Variants in KCNN3 observed in about 807,000 individuals in gnomAD.
KCNN3 encodes the protein potassium calcium-activated channel subfamily N member 3, also known as small conductance calcium-activated potassium channel protein 3.
A neutral mutation model predicts 62.9 loss-of-function variants in KCNN3; 16 were observed. The observed-to-expected ratio is 0.25, with a 90% CI of 0.17 to 0.39. The LOEUF (loss-of-function observed/expected upper bound fraction) is 0.39, where lower values mean the gene tolerates loss of function less well. KCNN3 is among the 10% of genes least tolerant of loss of function. The pLI is 1.00. For missense variants in KCNN3, 599 were observed against 949.4 expected (o/e 0.63, Z 4.85); for synonymous variants, 370 against 389.2 (o/e 0.95, Z 0.58).
At chr1:154,792,575 A>T (rs1571281073) in intron 2 of KCNN3, among the ~76,000 whole-genome samples, 1 of 152,340 alleles carries the variant, frequency 6.6e-6, no homozygotes, top group Non-Finnish European at 1.5e-5. Context: ...TGTTATGGCC[A>T]TCCCTTATTC....
chr1:154,738,859 C>T (rs1700769156), intron 3 of KCNN3, among the ~76,000 whole-genome samples: 1 of 152,180 alleles, frequency 6.6e-6, no homozygotes, highest in Non-Finnish European at 1.5e-5. Context: ...ATATTTTTTA[C>T]TACAAGGCTC....
chr1:154,853,399 G>A (rs1192798751), intron 1 of KCNN3, among the ~76,000 whole-genome samples: 1 of 152,008 alleles, frequency 6.6e-6, no homozygotes, highest in Non-Finnish European at 1.5e-5. Flanking sequence ...GCAGTGGCAC[G>A]ATCACAGCTC....
chr1:154,844,055 C>T (rs896415485), intron 1 of KCNN3, among the ~76,000 whole-genome samples: 39 of 152,206 alleles, frequency 2.6e-4, no homozygotes, highest in Admixed American at 2.4e-3. Flanking sequence ...CCCTCGGGAC[C>T]AGCAGGGGCT....
Position 154,704,210 on chromosome 1 carries a change from T to C in KCNN3, c.*3766A>G, listed in dbSNP as rs1220037609. 2 of 152,266 alleles carry C rather than the reference T, an allele frequency of 1.3e-5. No homozygotes were observed. Among genetic ancestry groups the C allele is most frequent in the African/African-American group, 2.4e-5 (1 of 41,472 alleles). The allele number at this position is 152,266 out of a possible 1,614,324, so 9.4% of individuals were successfully genotyped here. On this transcript the variant is annotated 3_prime_UTR_variant, in exon 8 of 8. Transcript: ENST00000271915. ...GTCTCCTAATTCACAAGATTGTTGT[T>C]CTACCACTGGCCCCTGCTGAGGTCG...
chr1:154,855,075 G>A lies in KCNN3; in HGVS notation c.933+13957C>T, dbSNP rs547367496. ...TCTACTAAAAATACAAAAATTAGCC[G>A]GGTGTGATGGCACGTGCCTATAATC... On this transcript the variant is annotated intron_variant, in intron 1 of 7. Transcript: ENST00000271915. 1.3e-3 allele frequency among the ~76,000 whole-genome samples: 203 copies of A among 152,118 alleles called. 1 individual carries two copies. The highest frequency in any genetic ancestry group is 3.9e-3 in the African/African-American group (160 of 41,516).
chr1:154,766,688 T>G (rs1048311129), intron 3 of KCNN3, among the ~76,000 whole-genome samples: 6 of 149,024 alleles, frequency 4.0e-5, no homozygotes, highest in East Asian at 1.9e-4. Context: ...GGGTTTGTTT[T>G]TTTTTTTTTG....
In KCNN3 at chr1:154,701,786, G is replaced by A. The variant is rs1206098715; in HGVS notation, c.*6190C>T. On this transcript the variant is annotated 3_prime_UTR_variant, in exon 8 of 8. Coordinates refer to ENST00000271915, the MANE Select transcript of KCNN3 (RefSeq NM_002249.6). ...CACATCTGCACACTGGACTCTTGTT[G>A]GGCCTTGTGTAGTTTGGAAAGCCGA... 6.6e-6 allele frequency: 1 copy of A among 152,128 alleles called. No individual in the cohort carries two copies. Among genetic ancestry groups the A allele is most frequent in the Non-Finnish European group, 1.5e-5 (1 of 68,032 alleles). 9.4% of individuals were successfully genotyped at this position (152,128 alleles called of 1,614,324 possible).
intron 3 of KCNN3, among the ~76,000 whole-genome samples, chr1:154,767,690 G>A (rs946012945): frequency 6.6e-6 from 1 of 152,322 alleles, no homozygotes. Flanking sequence ...TGGGCAGGCA[G>A]CCAGGAGAAT....
At chr1:154,790,585 G>C (rs765579650) in intron 2 of KCNN3, among the ~76,000 whole-genome samples, 45 of 152,148 alleles carry the variant, frequency 3.0e-4, no homozygotes, top group Non-Finnish European at 3.5e-4. Context: ...AGGGCTGACC[G>C]GGGCTCTCTG....
intron 3 of KCNN3, 98 bp downstream of exon 3, chr1:154,771,877 T>A: frequency 8.3e-7 from 1 of 1,211,376 alleles, no homozygotes; most frequent in Non-Finnish European, 1.2e-6. Flanking sequence ...TACATGCCTG[T>A]CTCCTCCATC....
At chr1:154,786,076 T>C (rs552691608) in intron 2 of KCNN3, among the ~76,000 whole-genome samples, 6 of 152,322 alleles carry the variant, frequency 3.9e-5, no homozygotes, top group African/African-American at 1.4e-4. Context: ...TGATCGTCCA[T>C]CTGAGCCGCA....
chr1:154,836,686 C>T (rs1651602788), intron 1 of KCNN3, among the ~76,000 whole-genome samples: 1 of 152,226 alleles, frequency 6.6e-6, no homozygotes, highest in South Asian at 2.1e-4. Context: ...TCATCCCTCT[C>T]GCACTATTCC....
At position 154,813,862 on chromosome 1, in the gene KCNN3, G is replaced by A. The variant is rs1384694006; in HGVS notation, c.1029+8227C>T. 4.6e-5 allele frequency among the ~76,000 whole-genome samples: 7 copies of A among 152,168 alleles called. No homozygotes were observed. In the East Asian group the frequency reaches 7.7e-4, roughly 17 times the overall value. On this transcript the variant is annotated intron_variant, in intron 2 of 7. Coordinates refer to ENST00000271915, the MANE Select transcript of KCNN3 (RefSeq NM_002249.6). ...CCAGCCAGGGCCAGGGAGAGCAGCC[G>A]GGGGCCCTCACACCTGAGGGACAGG...
intron 6 of KCNN3, among the ~76,000 whole-genome samples, chr1:154,714,111 A>G (rs1463037671): frequency 7.4e-3 from 16 of 2,154 alleles, no homozygotes; most frequent in South Asian, 0.011. Context: ...GGTGTGTGTG[A>G]TGTGGTGTGT....
intron 2 of KCNN3, among the ~76,000 whole-genome samples, chr1:154,791,359 A>G (rs978500379): frequency 6.6e-6 from 1 of 150,784 alleles, no homozygotes; most frequent in African/African-American, 2.4e-5. Context: ...CATCAGGTAC[A>G]TTCTTGCGGC....
intron 2 of KCNN3, among the ~76,000 whole-genome samples, chr1:154,773,714 A>G (rs1648669677): frequency 6.6e-6 from 1 of 152,252 alleles, no homozygotes; most frequent in African/African-American, 2.4e-5. Flanking sequence ...CCCTTCCAGC[A>G]CACAGGTGCC....
At chr1:154,825,106 G>A (rs945566736) in intron 1 of KCNN3, among the ~76,000 whole-genome samples, 5 of 152,330 alleles carry the variant, frequency 3.3e-5, no homozygotes, top group African/African-American at 1.2e-4. Context: ...CTGAACATCA[G>A]TGAAGCTTGA....
intron 1 of KCNN3, among the ~76,000 whole-genome samples, chr1:154,826,471 C>T (rs1651135582): frequency 6.6e-6 from 1 of 151,418 alleles, no homozygotes; most frequent in Non-Finnish European, 1.5e-5. Context: ...GGGCATGTTA[C>T]CTAACTTCTC....
chr1:154,744,004 C>T (rs1436010171), intron 3 of KCNN3, among the ~76,000 whole-genome samples: 3 of 152,160 alleles, frequency 2.0e-5, no homozygotes, highest in Admixed American at 6.5e-5. Flanking sequence ...GTTACCCGCC[C>T]ACCCTGTCTC....
Sources: gnomAD v4.1 joint callset for allele counts (sites outside exome capture counted in the v4.1 genomes callset) on GRCh38, gnomAD v4.1.1 for gene constraint, MANE v1.5 for transcripts, NCBI Gene and HGNC (gene_info 2026-07-23, HGNC 2026-07-21) for gene names.